SEPTIN7: variants seen among roughly 807,000 people sequenced by gnomAD.
SEPTIN7 encodes the protein septin 7.
SEPTIN7 carries 10 observed loss-of-function variants against 63.3 expected under a neutral mutation model. The ratio of observed to expected loss-of-function variants is 0.16; its 90% CI spans 0.10 to 0.27. SEPTIN7 has a LOEUF of 0.27. Among genes scored for constraint, SEPTIN7 ranks in the 10% least tolerant of loss-of-function variants. SEPTIN7 has a pLI of 1.00. For missense variants in SEPTIN7, 310 were observed against 521.0 expected (o/e 0.59, Z 3.94); for synonymous variants, 131 against 165.3 (o/e 0.79, Z 1.59).
chr7:35,901,284 T>C (rs1788304605), intron 12 of SEPTIN7: 1 of 152,202 alleles, frequency 6.6e-6, no homozygotes, highest in Non-Finnish European at 1.5e-5. Context: ...CCAGTTAATT[T>C]TTAAGTTAAG....
intron 3 of SEPTIN7, among the ~76,000 whole-genome samples, chr7:35,856,163 A>G (rs577929351): frequency 1.3e-5 from 2 of 152,202 alleles, no homozygotes; most frequent in Non-Finnish European, 2.9e-5. Flanking sequence ...TACTAATTTG[A>G]TATGTAAGAA....
At chr7:35,893,493 A>G (rs1318190118) in intron 11 of SEPTIN7, among the ~76,000 whole-genome samples, 1 of 152,162 alleles carries the variant, frequency 6.6e-6, no homozygotes, top group African/African-American at 2.4e-5. Context: ...AGATCCCATA[A>G]TATCGTGTGT....
intron 3 of SEPTIN7, among the ~76,000 whole-genome samples, chr7:35,857,751 A>T (rs1418752920): frequency 6.6e-6 from 1 of 152,196 alleles, no homozygotes; most frequent in African/African-American, 2.4e-5. Flanking sequence ...GTATTTGCTA[A>T]TTTTTAAAGA....
intron 1 of SEPTIN7, among the ~76,000 whole-genome samples, chr7:35,831,145 A>T (rs867104407): frequency 6.6e-6 from 1 of 152,148 alleles, no homozygotes; most frequent in South Asian, 2.1e-4. Flanking sequence ...GTAAAACCTC[A>T]ACTGCAGGGT....
chr7:35,914,860 A>G, the SEPTIN7 span, among the ~76,000 whole-genome samples: 1 of 152,040 alleles, frequency 6.6e-6, no homozygotes, highest in African/African-American at 2.4e-5. Context: ...AAATATATGT[A>G]TACATAGATA....
chr7:35,898,603 G>C (rs1788103393), intron 12 of SEPTIN7: 2 of 399,626 alleles, frequency 5.0e-6, no homozygotes, highest in African/African-American at 4.0e-5. Flanking sequence ...ATATTAGGTA[G>C]GACAGTGTAA....
the SEPTIN7 span, among the ~76,000 whole-genome samples, chr7:35,914,832 G>A: frequency 4.0e-5 from 6 of 151,334 alleles, no homozygotes; most frequent in Non-Finnish European, 7.4e-5. Flanking sequence ...AGATATGTAC[G>A]TGTGTGTATA....
intron 6 of SEPTIN7, among the ~76,000 whole-genome samples, chr7:35,878,338 A>G (rs565538208): frequency 6.6e-6 from 1 of 152,228 alleles, no homozygotes; most frequent in South Asian, 2.1e-4. Context: ...GCCAGATGTC[A>G]AAGTATGATG....
the SEPTIN7 span, among the ~76,000 whole-genome samples, chr7:35,915,730 G>A: frequency 4.6e-5 from 7 of 152,146 alleles, no homozygotes; most frequent in African/African-American, 7.2e-5. Flanking sequence ...GCTCTGAACC[G>A]TCTCTTTTCT....
chr7:35,822,788 C>A (rs1375503778), intron 1 of SEPTIN7, among the ~76,000 whole-genome samples: 2 of 152,188 alleles, frequency 1.3e-5, no homozygotes, highest in Non-Finnish European at 2.9e-5. Context: ...CAAAAAGAAC[C>A]CTGCTTCCTT....
chr7:35,905,089 GA>G lies in SEPTIN7; in HGVS notation c.*799del, dbSNP rs1373378164. On this transcript the variant is annotated 3_prime_UTR_variant, in exon 14 of 14. Transcript: ENST00000350320. ...CACTTTATGGTAAGTAGCAGGGGGG[GA>G]AATGCATTTATAGATCATTTCTAGG... is the stretch of plus-strand genomic sequence containing the variant. 6.6e-6 allele frequency: 1 copy of G among 152,554 alleles called. No individual in the cohort carries two copies. The highest frequency in any genetic ancestry group is 1.5e-5 in the Non-Finnish European group (1 of 68,016). The allele number at this position is 152,554 out of a possible 1,614,324, so 9.5% of individuals were successfully genotyped here. A position where few individuals can be genotyped will look rare whatever the true frequency, so the allele number is the denominator to read the frequency against.
intron 1 of SEPTIN7, among the ~76,000 whole-genome samples, chr7:35,823,276 A>T (rs556764822): frequency 3.9e-5 from 6 of 152,250 alleles, no homozygotes; most frequent in South Asian, 2.1e-4. Flanking sequence ...ATCTTGGCTC[A>T]CTGCAATCTC....
At position 35,855,045 on chromosome 7, in the gene SEPTIN7, G is replaced by T. The variant is rs183049202; in HGVS notation, c.170-8507G>T. On this transcript the variant is annotated intron_variant, in intron 3 of 13. Coordinates refer to ENST00000350320, the MANE Select transcript of SEPTIN7 (RefSeq NM_001788.6). ...CTTTTTTCTCTCACCTGCATTTCCAGTCCTGTCTCTAGAAATAAGCATTAA... is the reference window on the plus strand; with the variant it reads ...CTTTTTTCTCTCACCTGCATTTCCATTCCTGTCTCTAGAAATAAGCATTAA... Among the ~76,000 whole-genome samples the T allele has an allele frequency of 2.6e-3, 402 of 152,092 alleles. 2 individuals are homozygous for T. The highest frequency in any genetic ancestry group is 9.3e-3 in the African/African-American group (385 of 41,480).
the SEPTIN7 span, among the ~76,000 whole-genome samples, chr7:35,913,946 C>T: frequency 1.2e-4 from 18 of 152,230 alleles, no homozygotes; most frequent in East Asian, 2.3e-3. Context: ...CTTGAATTCA[C>T]GATCAAGCAG....
At chr7:35,859,843 A>C (rs995201532) in intron 3 of SEPTIN7, among the ~76,000 whole-genome samples, 1 of 152,106 alleles carries the variant, frequency 6.6e-6, no homozygotes, top group African/African-American at 2.4e-5. Flanking sequence ...ATCTTTTTCC[A>C]ACCTTTTACT....
At chr7:35,908,159 C>T (rs756501496), downstream of SEPTIN7, among the ~76,000 whole-genome samples, 5 of 152,080 alleles carry the variant, frequency 3.3e-5, no homozygotes, top group African/African-American at 7.2e-5. Context: ...TAAGTAATGC[C>T]GAGATGGTTT....
intron 1 of SEPTIN7, among the ~76,000 whole-genome samples, chr7:35,820,915 G>A (rs767074771): frequency 1.4e-4 from 21 of 152,156 alleles, no homozygotes; most frequent in Non-Finnish European, 2.5e-4. Context: ...AACTAATTCT[G>A]TGAAGTTAAT....
intron 3 of SEPTIN7, among the ~76,000 whole-genome samples, chr7:35,840,002 T>A (rs1267048575): frequency 6.6e-6 from 1 of 152,250 alleles, no homozygotes; most frequent in Non-Finnish European, 1.5e-5. Context: ...ATTTATTTGT[T>A]AATAATTCCT....
intron 11 of SEPTIN7, among the ~76,000 whole-genome samples, chr7:35,896,467 T>TC (rs1306194161): frequency 6.6e-6 from 1 of 152,168 alleles, no homozygotes; most frequent in Non-Finnish European, 1.5e-5. Flanking sequence ...TTGGACCCTT[T>TC]CACCGGAAGA....
Sources: allele counts gnomAD v4.1 joint callset (sites outside exome capture counted in the v4.1 genomes callset), GRCh38; gene constraint gnomAD v4.1.1; transcripts MANE v1.5; gene names NCBI Gene and HGNC (gene_info 2026-07-23, HGNC 2026-07-21).